The following ATXN2 variants were observed in gnomAD, a reference collection of about 807,000 sequenced individuals.
The protein encoded by ATXN2 is ataxin 2.
ATXN2 carries 37 observed loss-of-function variants against 138.6 expected under a neutral mutation model. The ratio of observed to expected loss-of-function variants is 0.27; its 90% CI spans 0.21 to 0.35. ATXN2 has a LOEUF of 0.35. ATXN2 is among the 10% of genes least tolerant of loss of function. The pLI, the probability that ATXN2 is intolerant of heterozygous loss-of-function variation, is 1.00. For synonymous variants in ATXN2, 549 were observed against 543.7 expected (o/e 1.01, Z -0.13); for missense variants, 1,216 against 1,480.3 (o/e 0.82, Z 2.93).
intron 18 of ATXN2, among the ~76,000 whole-genome samples, chr12:111,484,205 A>G (rs1877476555): frequency 6.6e-6 from 1 of 152,206 alleles, no homozygotes; most frequent in African/African-American, 2.4e-5. Flanking sequence ...GCAATCTAGT[A>G]AATTAATCTA....
At chr12:111,551,154 T>C (rs1348005489) in intron 5 of ATXN2, among the ~76,000 whole-genome samples, 1 of 151,834 alleles carries the variant, frequency 6.6e-6, no homozygotes, top group African/African-American at 2.4e-5. Flanking sequence ...AAAATTAGCT[T>C]GGTGTGGTGG....
At chr12:111,492,287 A>G (rs11065925) in intron 14 of ATXN2, among the ~76,000 whole-genome samples, 15,584 of 152,244 alleles carry the variant, frequency 0.1, 2,671 homozygotes, top group African/African-American at 0.35. Context: ...CAGAGTCACA[A>G]CATTACTAGT....
At chr12:111,509,840 A>T in intron 13 of ATXN2, 51 bp downstream of exon 13, 1 of 1,358,012 alleles carries the variant, frequency 7.4e-7, no homozygotes, top group Non-Finnish European at 1.0e-6. Flanking sequence ...GAAATTAGAC[A>T]TACTTCTTCC....
At chr12:111,492,111 T>A (rs1369451016) in intron 14 of ATXN2, among the ~76,000 whole-genome samples, 3 of 152,068 alleles carry the variant, frequency 2.0e-5, no homozygotes, top group African/African-American at 7.2e-5. Context: ...ACAGTTCCAG[T>A]GACGGTGGCC....
chr12:111,579,028 A>C (rs1465479989), intron 1 of ATXN2, among the ~76,000 whole-genome samples: 9 of 152,092 alleles, frequency 5.9e-5, no homozygotes, highest in African/African-American at 9.7e-5. Flanking sequence ...ACAGAGCAAG[A>C]CCCTGCCTCA....
chr12:111,455,225 G>GT (rs1874988663), intron 23 of ATXN2: 1 of 675,902 alleles, frequency 1.5e-6, no homozygotes, highest in Non-Finnish European at 2.7e-6. Context: ...CAATTCACCC[G>GT]TAACAGCCCC....
chr12:111,572,042 T>C (rs1329340322), intron 1 of ATXN2, among the ~76,000 whole-genome samples: 3 of 144,294 alleles, frequency 2.1e-5, no homozygotes, highest in Non-Finnish European at 4.5e-5. Context: ...TTTTAAAATA[T>C]GTAAAGAAAA....
chr12:111,526,751 C>T (rs1172588523), intron 5 of ATXN2, among the ~76,000 whole-genome samples: 4 of 152,188 alleles, frequency 2.6e-5, no homozygotes, highest in Admixed American at 6.5e-5. Context: ...GATATACCTT[C>T]GGAGTACTTG....
chr12:111,485,056 A>G, intron 18 of ATXN2: 1 of 477,556 alleles, frequency 2.1e-6, no homozygotes, highest in Non-Finnish European at 3.8e-6. Context: ...AGAGGATACT[A>G]TATAATCACA....
chr12:111,522,303 C>T (rs535197549), intron 6 of ATXN2, among the ~76,000 whole-genome samples: 19 of 151,616 alleles, frequency 1.3e-4, no homozygotes, highest in African/African-American at 4.4e-4. Context: ...TCCCAGCGTG[C>T]ATAAATAACT....
At chr12:111,523,674 C>T (rs982813781) in intron 6 of ATXN2, among the ~76,000 whole-genome samples, 4 of 151,776 alleles carry the variant, frequency 2.6e-5, no homozygotes, top group East Asian at 1.9e-4. Context: ...TACAGGGAGC[C>T]GAGATCGCAC....
intron 5 of ATXN2, among the ~76,000 whole-genome samples, chr12:111,545,566 AAAAAAG>A (rs991380058): frequency 2.6e-5 from 4 of 152,142 alleles, no homozygotes; most frequent in Admixed American, 6.5e-5. Flanking sequence ...TCCATCTAAA[AAAAAAG>A]AAAAAGAAAA....
At chr12:111,595,719 A>G (rs1884905651) in intron 1 of ATXN2, among the ~76,000 whole-genome samples, 1 of 151,858 alleles carries the variant, frequency 6.6e-6, no homozygotes, top group Non-Finnish European at 1.5e-5. Flanking sequence ...ATACACAATC[A>G]CCTCTACTAC....
At chr12:111,587,012 A>AC (rs1884379539) in intron 1 of ATXN2, among the ~76,000 whole-genome samples, 1 of 151,074 alleles carries the variant, frequency 6.6e-6, no homozygotes, top group Non-Finnish European at 1.5e-5. Context: ...AAGCAGGAGG[A>AC]CAGTTTAAGC....
intron 1 of ATXN2, among the ~76,000 whole-genome samples, chr12:111,578,025 C>T (rs1390661387): frequency 6.8e-6 from 1 of 147,420 alleles, no homozygotes; most frequent in Admixed American, 6.8e-5. Context: ...GTGAAACCCC[C>T]GTCTCTACTA....
chr12:111,558,069 G>C (rs533447313), intron 1 of ATXN2, among the ~76,000 whole-genome samples: 1 of 152,194 alleles, frequency 6.6e-6, no homozygotes, highest in South Asian at 2.1e-4. Flanking sequence ...TTTGACCATG[G>C]AGTTTACTCA....
chr12:111,510,362 T>C lies in ATXN2; in HGVS notation c.1756+23A>G. ...TCAATTTCACAGCTGAGATTATGGA[T>C]CCAGAAGCCCTTTGTTACATACCCT... On this transcript the variant is annotated intron_variant, in intron 12 of 24. Transcript: ENST00000673436. The C allele has an allele frequency of 2.5e-6, 4 of 1,605,778 alleles. No homozygotes were observed. The African/African-American group carries it at 5.3e-5, about 21-fold the overall frequency.
chr12:111,524,776 A>G (rs1437090327), intron 6 of ATXN2, among the ~76,000 whole-genome samples: 2 of 152,200 alleles, frequency 1.3e-5, no homozygotes, highest in African/African-American at 2.4e-5. Flanking sequence ...TTTTCTTCAG[A>G]CAAGAGGCTT....
intron 5 of ATXN2, among the ~76,000 whole-genome samples, chr12:111,541,442 C>T (rs1043829527): frequency 4.1e-5 from 6 of 146,034 alleles, no homozygotes; most frequent in African/African-American, 1.5e-4. Context: ...ACCTCCACCT[C>T]CCGAGTTCAA....
Sources: allele counts gnomAD v4.1 joint callset (sites outside exome capture counted in the v4.1 genomes callset), GRCh38; gene constraint gnomAD v4.1.1; transcripts MANE v1.5; gene names NCBI Gene and HGNC (gene_info 2026-07-23, HGNC 2026-07-21).